The following PPP1R37 variants were observed in gnomAD, a reference collection of about 807,000 sequenced individuals.
PPP1R37 encodes the protein leucine rich repeat containing 68.
A neutral mutation model predicts 61.0 loss-of-function variants in PPP1R37; 21 were observed. The ratio of observed to expected loss-of-function variants is 0.34; its 90% CI spans 0.24 to 0.50. PPP1R37 has a LOEUF of 0.50. PPP1R37 is among the 20% of genes least tolerant of loss of function. PPP1R37 has a pLI of 0.98. For synonymous variants in PPP1R37, 443 were observed against 433.5 expected (o/e 1.02, Z -0.27); for missense variants, 910 against 952.7 (o/e 0.96, Z 0.59).
intron 1 of PPP1R37, chr19:45,128,762 T>C (rs1334264586): frequency 1.5e-6 from 1 of 672,504 alleles, no homozygotes; most frequent in Non-Finnish European, 2.6e-6. Context: ...ACATCTTTAC[T>C]GGGAAGAAAT....
chr19:45,139,889 A>G (rs1253141682), intron 2 of PPP1R37, among the ~76,000 whole-genome samples: 1 of 152,144 alleles, frequency 6.6e-6, no homozygotes, highest in Non-Finnish European at 1.5e-5. Flanking sequence ...TCCCAGGCTC[A>G]TTTCCTGCCT....
At chr19:45,097,674 C>A (rs114957333) in intron 1 of PPP1R37, among the ~76,000 whole-genome samples, 6 of 151,920 alleles carry the variant, frequency 3.9e-5, no homozygotes, top group Admixed American at 2.0e-4. Flanking sequence ...AGTGGGGTTC[C>A]GCCTGCTGGG....
At chr19:45,101,351 G>C (rs1188013139) in intron 1 of PPP1R37, among the ~76,000 whole-genome samples, 1 of 152,190 alleles carries the variant, frequency 6.6e-6, no homozygotes. Context: ...CAGAGGTGAG[G>C]CTGGAGGAGG....
In PPP1R37 at chr19:45,127,707, T is replaced by G. The variant is rs566428011; in HGVS notation, c.203-10807T>G. On this transcript the variant is annotated intron_variant, in intron 1 of 12. Coordinates refer to ENST00000221462, the MANE Select transcript of PPP1R37 (RefSeq NM_019121.2). Reference sequence around the variant, plus strand: ...TGATCAATGTTTGGGCCGGGCGCGGTGGCTCACGCTTGTAATCCCAGCACT... The same window carrying G: ...TGATCAATGTTTGGGCCGGGCGCGGGGGCTCACGCTTGTAATCCCAGCACT... Among the ~76,000 whole-genome samples, 176 of 152,230 alleles carry G rather than the reference T, an allele frequency of 1.2e-3. 1 individual carries two copies. Among genetic ancestry groups the G allele is most frequent in the African/African-American group, 3.9e-3 (164 of 41,532 alleles).
chr19:45,146,075 TGAG>T, intron 11 of PPP1R37, 26 bp downstream of exon 11: 1 of 1,502,436 alleles, frequency 6.7e-7, no homozygotes, highest in Non-Finnish European at 8.9e-7. Flanking sequence ...GGGCAGGTGT[TGAG>T]GGGCCCTGGG....
rs2029877492 is a variant in PPP1R37, at chr19:45,146,003, G to GC, written c.1952dup (p.Pro653AlafsTer2). 1 of 1,532,984 alleles carries GC rather than the reference G, an allele frequency of 6.5e-7. No homozygotes were observed. The highest frequency in any genetic ancestry group is 8.7e-7 in the Non-Finnish European group (1 of 1,145,328). 95.0% of individuals were successfully genotyped at this position (1,532,984 alleles called of 1,614,324 possible). A position where few individuals can be genotyped will look rare whatever the true frequency, so the allele number is the denominator to read the frequency against. On this transcript the variant is annotated frameshift_variant, in exon 11 of 13. Transcript: ENST00000221462. LOFTEE classifies it high-confidence loss of function. The stretch of plus-strand genomic sequence containing the variant: ...TCGCCCTGGCACTGCCCCCTGAGCC[G>GC]CCCCCGGGGCCTGAGGTCAAGGGGG...
intron 1 of PPP1R37, among the ~76,000 whole-genome samples, chr19:45,120,465 C>T (rs567870319): frequency 1.3e-5 from 2 of 152,350 alleles, no homozygotes; most frequent in South Asian, 4.1e-4. Flanking sequence ...CGTGGATGAA[C>T]TCTGGGGAGC....
intron 1 of PPP1R37, among the ~76,000 whole-genome samples, chr19:45,133,753 C>T (rs908336637): frequency 2.6e-5 from 4 of 152,320 alleles, no homozygotes; most frequent in South Asian, 4.1e-4. Context: ...CTGCTTCCTG[C>T]TGCCTTAAAG....
rs746049552 is a variant in PPP1R37, at chr19:45,145,893, C to T, written c.1837C>T (p.Arg613Trp). 1.8e-5 allele frequency: 28 copies of T among 1,533,240 alleles called. No homozygotes were observed. Among genetic ancestry groups the T allele is most frequent in the Admixed American group, 7.9e-5 (4 of 50,880 alleles). The allele number at this position is 1,533,240 out of a possible 1,614,324, so 95.0% of individuals were successfully genotyped here. A position where few individuals can be genotyped will look rare whatever the true frequency, so the allele number is the denominator to read the frequency against. Reference sequence around the variant, plus strand: ...ACCACCAGCCGGGGCCATTGACACCCGGGACACAGGGTCCTCTGAGCCTCA... The same window carrying T: ...ACCACCAGCCGGGGCCATTGACACCTGGGACACAGGGTCCTCTGAGCCTCA... Reference protein sequence around the residue: ...SLPPAGAIDTRDTGSSEPQPP... With the variant: ...SLPPAGAIDTWDTGSSEPQPP... Residue 613 changes from arginine to tryptophan, a missense_variant, in exon 11 of 13, where the codon CGG becomes TGG. This residue lies in a region of PPP1R37 where 549 missense variants were observed against 505.1 expected (regional missense o/e 1.09). Transcript: ENST00000221462.
At chr19:45,127,516 G>A (rs1472065949) in intron 1 of PPP1R37, among the ~76,000 whole-genome samples, 2 of 152,120 alleles carry the variant, frequency 1.3e-5, no homozygotes, top group African/African-American at 2.4e-5. Flanking sequence ...GTATATGAAC[G>A]TAGACAAGGG....
In PPP1R37 at chr19:45,098,042, G is replaced by GC. The variant is rs560737990; in HGVS notation, c.202+4516dup. 3.6e-4 allele frequency among the ~76,000 whole-genome samples: 55 copies of GC among 152,330 alleles called. 1 individual carries two copies. Among genetic ancestry groups the GC allele is most frequent in the Admixed American group, 7.2e-4 (11 of 15,310 alleles). ...AAACAGGGCCAGTGATCCCTGCCCT[G>GC]CAGACCACCAGGATGTCAGAGGATA... is the stretch of plus-strand genomic sequence containing the variant. On this transcript the variant is annotated intron_variant, in intron 1 of 12. Transcript: ENST00000221462.
chr19:45,107,727 G>C (rs531574454), intron 1 of PPP1R37, among the ~76,000 whole-genome samples: 1 of 152,216 alleles, frequency 6.6e-6, no homozygotes, highest in African/African-American at 2.4e-5. Flanking sequence ...TGTTTTCAGC[G>C]TGTAATGCCA....
intron 7 of PPP1R37, chr19:45,142,813 G>C (rs1968631400): frequency 3.9e-6 from 1 of 256,650 alleles, no homozygotes; most frequent in South Asian, 5.7e-5. Context: ...TTTCAGATGG[G>C]AGAGGAGGGA....
intron 4 of PPP1R37, among the ~76,000 whole-genome samples, chr19:45,140,977 T>C (rs1968603780): frequency 6.6e-6 from 1 of 152,094 alleles, no homozygotes; most frequent in Non-Finnish European, 1.5e-5. Context: ...CCTCACCTCC[T>C]CAGCCTTGGG....
chr19:45,144,991 C>T lies in PPP1R37; in HGVS notation c.1125C>T (p.Cys375=), dbSNP rs1968667866. The T allele has an allele frequency of 6.5e-6, 10 of 1,534,340 alleles. No individual in the cohort carries two copies. The highest frequency in any genetic ancestry group is 2.5e-5 in the East Asian group (1 of 40,802). Residue 375 remains cysteine (C), a synonymous_variant, in exon 9 of 13, where the codon TGC becomes TGT. Transcript: ENST00000221462. The stretch of plus-strand genomic sequence containing the variant: ...GGCTGGCCTCCACCAAGCTCACGTG[C>T]GAGGGTAGGGTACGGGGCCGGGCCA... ...RLGLASTKLT[C]EGAVAVAEFI... is the part of the protein sequence containing the mutation.
At chr19:45,144,722 T>G in intron 8 of PPP1R37, 132 bp from the exon 9 acceptor site, 1 of 732,186 alleles carries the variant, frequency 1.4e-6, no homozygotes, top group Non-Finnish European at 2.1e-6. Context: ...ACGGCGCCGG[T>G]GTTCACGCAG....
At chr19:45,138,108 G>A (rs1968561490) in intron 1 of PPP1R37, among the ~76,000 whole-genome samples, 1 of 152,194 alleles carries the variant, frequency 6.6e-6, no homozygotes, top group African/African-American at 2.4e-5. Flanking sequence ...GAGCAACAGA[G>A]TGAGACCCTG....
chr19:45,122,866 A>C (rs556138319), intron 1 of PPP1R37, among the ~76,000 whole-genome samples: 1 of 152,216 alleles, frequency 6.6e-6, no homozygotes, highest in East Asian at 1.9e-4. Flanking sequence ...GTGCTCCATA[A>C]GCAGGACCTT....
chr19:45,137,607 G>A (rs1045215619), intron 1 of PPP1R37, among the ~76,000 whole-genome samples: 3 of 152,158 alleles, frequency 2.0e-5, no homozygotes, highest in African/African-American at 4.8e-5. Context: ...TGTGTCCTGC[G>A]TCAAGGGGCC....
Sources: gnomAD v4.1 joint callset for allele counts (sites outside exome capture counted in the v4.1 genomes callset) on GRCh38, gnomAD v4.1.1 for gene constraint, gnomAD v4.1.1 regional missense constraint, MANE v1.5 for transcripts, NCBI Gene and HGNC (gene_info 2026-07-23, HGNC 2026-07-21) for gene names.